ZEB2: variants seen among roughly 807,000 people sequenced by gnomAD.
ZEB2 encodes zinc finger E-box binding homeobox 2, also known as zinc finger E-box-binding homeobox 2.
A neutral mutation model predicts 99.9 loss-of-function variants in ZEB2; 6 were observed. The ratio of observed to expected loss-of-function variants is 0.06; its 90% CI spans 0.03 to 0.12. The LOEUF is 0.12. Among genes scored for constraint, ZEB2 ranks in the 10% least tolerant of loss-of-function variants. The probability of loss-of-function intolerance (pLI) is 1.00; values close to 1 mark genes in which losing one functional copy is unlikely to be tolerated. For missense variants in ZEB2, 969 were observed against 1,502.8 expected (o/e 0.64, Z 5.87); for synonymous variants, 517 against 542.5 (o/e 0.95, Z 0.65).
chr2:144,442,336 ATTAT>A (rs1295106607), intron 2 of ZEB2, among the ~76,000 whole-genome samples: 2 of 152,180 alleles, frequency 1.3e-5, no homozygotes, highest in Non-Finnish European at 2.9e-5. Flanking sequence ...ATTCAGTTAA[ATTAT>A]TTAAAAAATT....
At chr2:144,509,829 G>C (rs1705004919) in intron 2 of ZEB2, among the ~76,000 whole-genome samples, 1 of 152,146 alleles carries the variant, frequency 6.6e-6, no homozygotes, top group Non-Finnish European at 1.5e-5. Context: ...TGTTACTTTT[G>C]CATGTTGAAA....
At position 144,512,657 on chromosome 2, in the gene ZEB2, G is replaced by C. The variant is rs568032420; in HGVS notation, c.73+4621C>G. On this transcript the variant is annotated intron_variant, in intron 2 of 9. Transcript: ENST00000627532. ...AAATCCTCAGCCCACCCTTAGTCCTGGTGGACTGTCACTCTATGGACACCA... is the reference window on the plus strand; with the variant it reads ...AAATCCTCAGCCCACCCTTAGTCCTCGTGGACTGTCACTCTATGGACACCA... 3.4e-4 allele frequency: 433 copies of C among 1,287,080 alleles called. 1 individual carries two copies. The highest frequency in any genetic ancestry group is 4.3e-4 in the Non-Finnish European group (425 of 988,700). 79.7% of individuals were successfully genotyped at this position (1,287,080 alleles called of 1,614,324 possible). A position where few individuals can be genotyped will look rare whatever the true frequency, so the allele number is the denominator to read the frequency against.
At position 144,396,532 on chromosome 2, in the gene ZEB2, C is replaced by T; in HGVS notation, c.2947G>A (p.Asp983Asn). 1.2e-6 allele frequency: 2 copies of T among 1,614,048 alleles called. No individual in the cohort carries two copies. Among genetic ancestry groups the T allele is most frequent in the Non-Finnish European group, 8.5e-7 (1 of 1,179,980 alleles). Residue 983 changes from aspartate to asparagine, a missense_variant, in exon 9 of 10, where the codon GAC becomes AAC. Asp to Asn is a conservative substitution (Grantham distance 23, BLOSUM62 1). This residue lies in a region of ZEB2 where 346 missense variants were observed against 460.0 expected (regional missense o/e 0.75). Coordinates refer to ENST00000627532, the MANE Select transcript of ZEB2 (RefSeq NM_014795.4). ...ATCTTTTTGCGAGACAGACAGGAGT[C>T]GGAGTCTGTCATATCATCTAGGCCT... ...MSGLDDMTDS[D>N]SCLSRKKIKK...
intron 2 of ZEB2, among the ~76,000 whole-genome samples, chr2:144,468,650 CAT>C (rs768656346): frequency 1.1e-3 from 160 of 145,458 alleles, no homozygotes; most frequent in African/African-American, 3.6e-3. Flanking sequence ...CATGCACACA[CAT>C]GTTTGCGTGT....
intron 2 of ZEB2, among the ~76,000 whole-genome samples, chr2:144,484,944 G>A (rs905620231): frequency 2.0e-5 from 3 of 152,044 alleles, no homozygotes; most frequent in South Asian, 2.1e-4. Flanking sequence ...CTCACCACCC[G>A]GGCATACTGA....
intron 2 of ZEB2, among the ~76,000 whole-genome samples, chr2:144,467,138 T>G (rs188637846): frequency 1.7e-4 from 26 of 151,790 alleles, no homozygotes; most frequent in Non-Finnish European, 3.1e-4. Context: ...TATGTTCAGA[T>G]GTGTGATTAT....
chr2:144,397,493 A>G (rs1703244892), intron 8 of ZEB2, among the ~76,000 whole-genome samples: 1 of 152,234 alleles, frequency 6.6e-6, no homozygotes, highest in Non-Finnish European at 1.5e-5. Flanking sequence ...ATAAAGCATA[A>G]TTATTAACTA....
At chr2:144,424,262 GA>G (rs1165787173) in intron 4 of ZEB2, 11 of 431,462 alleles carry the variant, frequency 2.5e-5, no homozygotes, top group South Asian at 1.0e-4. Flanking sequence ...AAACTGCCTG[GA>G]AAAAATTATT....
intron 9 of ZEB2, among the ~76,000 whole-genome samples, chr2:144,394,014 C>T (rs145899386): frequency 1.3e-5 from 2 of 152,118 alleles, no homozygotes; most frequent in African/African-American, 2.4e-5. Context: ...CTCCGCCTCC[C>T]GGGTTCAAGT....
At chr2:144,512,164 TG>T in intron 2 of ZEB2, 1 of 1,287,242 alleles carries the variant, frequency 7.8e-7, no homozygotes, top group Non-Finnish European at 1.0e-6. Flanking sequence ...ATCAATTGTC[TG>T]TGAGCATTGC....
intron 2 of ZEB2, among the ~76,000 whole-genome samples, chr2:144,438,272 A>G (rs1383668673): frequency 6.6e-6 from 1 of 152,202 alleles, no homozygotes; most frequent in Non-Finnish European, 1.5e-5. Context: ...AGTCTAAGGA[A>G]TGTTACATGG....
Position 144,404,955 on chromosome 2 carries a change from C to A in ZEB2, c.473G>T (p.Gly158Val). The A allele has an allele frequency of 6.2e-7, 1 of 1,614,262 alleles. No individual in the cohort carries two copies. Residue 158 changes from glycine to valine, a missense_variant, in exon 5 of 10, where the codon GGT (glycine) becomes GTT (valine). Gly to Val is a moderately radical substitution (Grantham distance 109, BLOSUM62 -3). Coordinates refer to ENST00000627532, the MANE Select transcript of ZEB2 (RefSeq NM_014795.4). ...FAKRKLEERD[G>V]HAVSIEEYLQ... is the part of the protein sequence containing the mutation. ...GTACTCCTCGATGCTGACTGCATGA[C>A]CATCGCGTTCCTCCAGTTTTCTTTT... is the stretch of plus-strand genomic sequence containing the variant.
intron 2 of ZEB2, chr2:144,512,597 T>A (rs908621792): frequency 7.8e-7 from 1 of 1,287,124 alleles, no homozygotes; most frequent in Non-Finnish European, 1.0e-6. Context: ...GTGAATTTAT[T>A]TGTATCTGGT....
intron 2 of ZEB2, chr2:144,449,722 GCAAA>G (rs1704031822): frequency 6.6e-6 from 1 of 152,218 alleles, no homozygotes. Context: ...GTCTTCTTCA[GCAAA>G]CAGTGATCAT....
chr2:144,497,087 T>C (rs929821162), intron 2 of ZEB2, among the ~76,000 whole-genome samples: 1 of 152,192 alleles, frequency 6.6e-6, no homozygotes, highest in Non-Finnish European at 1.5e-5. Context: ...TCCTGGCTTG[T>C]ACATGCCATC....
chr2:144,477,468 A>G lies in ZEB2; in HGVS notation c.73+39810T>C, dbSNP rs1301488259. On this transcript the variant is annotated intron_variant, in intron 2 of 9. Coordinates refer to ENST00000627532, the MANE Select transcript of ZEB2 (RefSeq NM_014795.4). ...TCTCTGCCAGTATAACTCCAACAGCACATCATAAAATTCCTATAATTCTTC... is the reference window on the plus strand; with the variant it reads ...TCTCTGCCAGTATAACTCCAACAGCGCATCATAAAATTCCTATAATTCTTC... 2.6e-5 allele frequency among the ~76,000 whole-genome samples: 4 copies of G among 152,204 alleles called. No individual in the cohort carries two copies. In the East Asian group the frequency reaches 7.7e-4, roughly 29 times the overall value.
At position 144,404,138 on chromosome 2, in the gene ZEB2, CGA is replaced by C; in HGVS notation, c.593-10_593-9del. ...GAGTTCCAGGTGGCAGGTCTGTAGC[CGA>C]GAGACAGAGAGAGAGAGAAGCGGGC... On this transcript the variant is annotated splice_polypyrimidine_tract_variant and intron_variant, in intron 5 of 9. Coordinates refer to ENST00000627532, the MANE Select transcript of ZEB2 (RefSeq NM_014795.4). 6.2e-7 allele frequency: 1 copy of C among 1,613,506 alleles called. No homozygotes were observed. The highest frequency in any genetic ancestry group is 8.5e-7 in the Non-Finnish European group (1 of 1,179,960).
chr2:144,420,873 T>A (rs1170499950), intron 4 of ZEB2, among the ~76,000 whole-genome samples: 1 of 152,168 alleles, frequency 6.6e-6, no homozygotes, highest in Admixed American at 6.5e-5. Flanking sequence ...TGGTATACAA[T>A]GGATGGCACT....
chr2:144,484,480 T>C (rs79570730), intron 2 of ZEB2, among the ~76,000 whole-genome samples: 2,547 of 152,232 alleles, frequency 0.017, 72 homozygotes, highest in African/African-American at 0.057. Flanking sequence ...ATCCCAGATC[T>C]TCACAGATCG....
Sources: gnomAD v4.1 joint callset for allele counts (sites outside exome capture counted in the v4.1 genomes callset) on GRCh38, gnomAD v4.1.1 for gene constraint, gnomAD v4.1.1 regional missense constraint, MANE v1.5 for transcripts, NCBI Gene and HGNC (gene_info 2026-07-23, HGNC 2026-07-21) for gene names.